The following RBM20 variants were observed in gnomAD, a reference collection of about 807,000 sequenced individuals.
RBM20 encodes the protein RNA-binding protein 20.
RBM20 carries 51 observed loss-of-function variants against 110.1 expected under a neutral mutation model. That is an observed-to-expected ratio of 0.46 (90% CI 0.37 to 0.59). The LOEUF (loss-of-function observed/expected upper bound fraction) is 0.59, where lower values mean the gene tolerates loss of function less well. Ranked by LOEUF, RBM20 falls within the 20% of genes least tolerant of loss-of-function variation. The pLI, the probability that RBM20 is intolerant of heterozygous loss-of-function variation, is 0.00. For synonymous variants in RBM20, 589 were observed against 618.2 expected, an observed-to-expected ratio of 0.95 and a Z score of 0.70; for missense variants, 1,512 against 1,574.9, an observed-to-expected ratio of 0.96 and a Z score of 0.68.
intron 5 of RBM20, among the ~76,000 whole-genome samples, chr10:110,796,235 A>T (rs1220458371): frequency 6.6e-6 from 1 of 152,222 alleles, no homozygotes; most frequent in Non-Finnish European, 1.5e-5. Context: ...TGACAGGTTG[A>T]TATATATGCT....
At chr10:110,746,591 C>G (rs1180027070) in intron 1 of RBM20, among the ~76,000 whole-genome samples, 1 of 152,158 alleles carries the variant, frequency 6.6e-6, no homozygotes, top group African/African-American at 2.4e-5. Flanking sequence ...AGGCCGGCAC[C>G]AAATTCCACC....
At chr10:110,688,672 A>G (rs189694588) in intron 1 of RBM20, among the ~76,000 whole-genome samples, 30 of 152,364 alleles carry the variant, frequency 2.0e-4, no homozygotes, top group Admixed American at 1.5e-3. Context: ...TAAAAAAGCT[A>G]CAAATCAAGC....
rs188009508 is a variant in RBM20 at position 110,827,010 on chromosome 10, A to G, written c.3451+3396A>G. Among the ~76,000 whole-genome samples, 19 of 152,272 alleles carry G rather than the reference A, an allele frequency of 1.2e-4. No homozygotes were observed. In the East Asian group the frequency reaches 2.9e-3, roughly 23 times the overall value. ...GTTGTTTTCAGTTCGGGGCCTTTAC[A>G]GATTGTATTTGTTAATAGTCTTCAG... On this transcript the variant is annotated intron_variant, in intron 12 of 13. Coordinates refer to ENST00000369519, the MANE Select transcript of RBM20 (RefSeq NM_001134363.3).
chr10:110,808,541 T>C (rs922981051), intron 7 of RBM20, among the ~76,000 whole-genome samples: 1 of 152,196 alleles, frequency 6.6e-6, no homozygotes, highest in Non-Finnish European at 1.5e-5. Flanking sequence ...GGGCCTTTTC[T>C]TGAATGGGGG....
At chr10:110,764,627 G>A (rs540148036) in intron 1 of RBM20, among the ~76,000 whole-genome samples, 3 of 152,210 alleles carry the variant, frequency 2.0e-5, no homozygotes, top group South Asian at 2.1e-4. Context: ...TCCCTCCCTC[G>A]CTTGCATACC....
At chr10:110,737,807 C>T (rs1042466096) in intron 1 of RBM20, among the ~76,000 whole-genome samples, 7 of 152,134 alleles carry the variant, frequency 4.6e-5, no homozygotes, top group Non-Finnish European at 8.8e-5. Flanking sequence ...TCATTCTACT[C>T]TTGATGGATA....
chr10:110,652,258 G>A (rs890942822), intron 1 of RBM20, among the ~76,000 whole-genome samples: 12 of 152,264 alleles, frequency 7.9e-5, no homozygotes, highest in East Asian at 5.8e-4. Flanking sequence ...GAAAAGATGT[G>A]TATGAGTGTG....
In RBM20 at chr10:110,655,867, C is replaced by G. The variant is rs146266331; in HGVS notation, c.191+11222C>G. Among the ~76,000 whole-genome samples the G allele has an allele frequency of 2.4e-3, 362 of 151,002 alleles. 2 individuals are homozygous for G. Among genetic ancestry groups the G allele is most frequent in the African/African-American group, 8.5e-3 (350 of 41,240 alleles). On this transcript the variant is annotated intron_variant, in intron 1 of 13. Transcript: ENST00000369519. The stretch of plus-strand genomic sequence containing the variant: ...TAGCAATTCAATAATGCTAACAATT[C>G]AGAGGTCTAATAATAAAATTTAAAA...
chr10:110,645,215 T>G (rs1313416283), intron 1 of RBM20, among the ~76,000 whole-genome samples: 2 of 152,198 alleles, frequency 1.3e-5, no homozygotes, highest in Non-Finnish European at 2.9e-5. Context: ...ATCTTGTGAC[T>G]CGGGTGACCT....
At chr10:110,721,696 A>G (rs564515598) in intron 1 of RBM20, among the ~76,000 whole-genome samples, 25 of 151,954 alleles carry the variant, frequency 1.6e-4, no homozygotes, top group Non-Finnish European at 2.9e-4. Context: ...GTGTCTCCCT[A>G]TTTCTCATGG....
Position 110,793,542 on chromosome 10 carries a change from C to T in RBM20, c.1528-3966C>T, listed in dbSNP as rs758949836. Among the ~76,000 whole-genome samples, 5 of 152,118 alleles carry T rather than the reference C, an allele frequency of 3.3e-5. No individual in the cohort carries two copies. In the South Asian group the frequency reaches 6.2e-4, roughly 19 times the overall value. On this transcript the variant is annotated intron_variant, in intron 5 of 13. Transcript: ENST00000369519. The stretch of plus-strand genomic sequence containing the variant: ...GAACCGGAAGAGGTTCAGAGAGCTC[C>T]GCTGCACCACGTGGGCAGGCAGCAT...
chr10:110,781,945 G>T, intron 2 of RBM20, 61 bp downstream of exon 2: 1 of 1,547,006 alleles, frequency 6.5e-7, no homozygotes, highest in South Asian at 1.2e-5. Context: ...CTTTCCCCAT[G>T]ACCCAACTCA....
chr10:110,692,608 AT>A (rs1590620691), intron 1 of RBM20, among the ~76,000 whole-genome samples: 1 of 151,778 alleles, frequency 6.6e-6, no homozygotes, highest in Non-Finnish European at 1.5e-5. Context: ...CATCTTTGCT[AT>A]TTGTTTATGA....
At chr10:110,760,223 T>C (rs1448838621) in intron 1 of RBM20, among the ~76,000 whole-genome samples, 2 of 152,166 alleles carry the variant, frequency 1.3e-5, no homozygotes, top group East Asian at 3.9e-4. Flanking sequence ...TTTGGCTTCA[T>C]GTGTAAACGT....
At chr10:110,828,270 TTGA>T (rs1364792611) in intron 12 of RBM20, among the ~76,000 whole-genome samples, 3 of 152,234 alleles carry the variant, frequency 2.0e-5, no homozygotes, top group Admixed American at 6.5e-5. Flanking sequence ...GCAATATGTC[TTGA>T]TGCTGCCTCT....
rs1845046760 is a variant in RBM20, at chr10:110,831,136, C to G, written c.3527C>G (p.Ala1176Gly). Residue 1176 changes from alanine to glycine, a missense_variant, in exon 13 of 14, where the codon GCA becomes GGA. Around this residue, in one of 3 missense-constraint regions of RBM20, gnomAD observed 358 missense variants for 384.2 expected, o/e 0.93. Transcript: ENST00000369519. ...CTGTTCTACACGAGCGAGGAGACAG[C>G]AAAGATGAGCCACTGCCGCAGCGCT... ...CGLFYTSEET[A>G]KMSHCRSAVH... The G allele has an allele frequency of 1.9e-6, 3 of 1,551,636 alleles. No homozygotes were observed. Among genetic ancestry groups the G allele is most frequent in the Non-Finnish European group, 2.6e-6 (3 of 1,146,956 alleles).
chr10:110,835,800 C>T, intron 13 of RBM20, 68 bp from the exon 14 acceptor site: 1 of 1,436,922 alleles, frequency 7.0e-7, no homozygotes, highest in Non-Finnish European at 9.6e-7. Context: ...GGCATGTCCG[C>T]TCCTCTCCTC....
At chr10:110,787,741 G>T (rs747839008) in intron 5 of RBM20, among the ~76,000 whole-genome samples, 7 of 152,170 alleles carry the variant, frequency 4.6e-5, no homozygotes, top group Non-Finnish European at 8.8e-5. Context: ...CTTGAGCCTG[G>T]TGAGAAGCAA....
intron 10 of RBM20, among the ~76,000 whole-genome samples, chr10:110,820,952 C>T (rs557012274): frequency 3.3e-4 from 50 of 152,258 alleles, no homozygotes; most frequent in Admixed American, 5.9e-4. Flanking sequence ...AAAGATGCTC[C>T]AGTAAGTATT....
Sources: gnomAD v4.1 joint callset for allele counts (sites outside exome capture counted in the v4.1 genomes callset) on GRCh38, gnomAD v4.1.1 for gene constraint, gnomAD v4.1.1 regional missense constraint, MANE v1.5 for transcripts, NCBI Gene and HGNC (gene_info 2026-07-23, HGNC 2026-07-21) for gene names.